COX15: variants seen among roughly 807,000 people sequenced by gnomAD.
COX15 encodes the protein heme A synthase COX15.
Under a neutral mutation model 51.9 loss-of-function variants are expected in COX15, and 51 were observed. The observed-to-expected ratio is 0.98, with a 90% CI of 0.78 to 1.24. The LOEUF (loss-of-function observed/expected upper bound fraction) is 1.24. Among genes scored for constraint, COX15 ranks in the 50% most tolerant of loss-of-function variants. The pLI is 0.00. For missense variants in COX15, 420 were observed against 501.1 expected (o/e 0.84, Z 1.55); for synonymous variants, 188 against 190.5 (o/e 0.99, Z 0.11).
chr10:99,720,987 C>T lies in COX15; in HGVS notation c.832G>A (p.Gly278Arg). Residue 278 changes from glycine (G) to arginine (R), a missense_variant and splice_region_variant, in exon 6 of 9, where the codon GGG (glycine) becomes AGG (arginine). Coordinates refer to ENST00000016171, the MANE Select transcript of COX15 (RefSeq NM_078470.6). ...AGLVFLTALSGAFVAGLDAGL... is the reference protein window; with the variant it reads ...AGLVFLTALSRAFVAGLDAGL... The stretch of plus-strand genomic sequence containing the variant: ...TCATCTTTGATGAGCTGAGTCCTAC[C>T]TGAGAGGGCCGTAAGGAACACCAGA... 6 of 1,613,228 alleles carry T rather than the reference C, an allele frequency of 3.7e-6. No homozygotes were observed. The highest frequency in any genetic ancestry group is 4.2e-6 in the Non-Finnish European group (5 of 1,179,628).
Position 99,713,531 on chromosome 10 carries a change from T to C in COX15, c.*1056A>G. On this transcript the variant is annotated 3_prime_UTR_variant, in exon 9 of 9. Coordinates refer to ENST00000016171, the MANE Select transcript of COX15 (RefSeq NM_078470.6). ...TCACATTAATTCAGCAGTCAACAAT[T>C]TGTTTATCTGGGTAGATGTCCATGC... 6.3e-7 allele frequency: 1 copy of C among 1,577,056 alleles called. No individual in the cohort carries two copies. The highest frequency in any genetic ancestry group is 2.3e-5 in the East Asian group (1 of 42,866).
intron 2 of COX15, among the ~76,000 whole-genome samples, chr10:99,728,867 T>A (rs1326134817): frequency 6.6e-6 from 1 of 152,238 alleles, no homozygotes; most frequent in African/African-American, 2.4e-5. Context: ...TATAGTCTCT[T>A]GATAGATTTA....
chr10:99,702,528 T>C, the COX15 span: 1 of 1,579,574 alleles, frequency 6.3e-7, no homozygotes, highest in Non-Finnish European at 8.6e-7. Flanking sequence ...GTGTTTTAAA[T>C]CGGCTTGGAT....
chr10:99,721,153 G>T, intron 5 of COX15, 85 bp from the exon 6 acceptor site: 1 of 1,032,440 alleles, frequency 9.7e-7, no homozygotes. Flanking sequence ...AAACCCAAGT[G>T]ACAAATTAAG....
At chr10:99,698,666 T>A in the COX15 span, 1 of 1,614,194 alleles carries the variant, frequency 6.2e-7, no homozygotes, top group Non-Finnish European at 8.5e-7. Context: ...ACTGGGTGTC[T>A]TGTGGGGCAA....
rs138016109 is a variant in COX15 at position 99,712,223 on chromosome 10, G to A, written c.*2364C>T. 4.5e-5 allele frequency: 44 copies of A among 984,964 alleles called. No individual in the cohort carries two copies. The highest frequency in any genetic ancestry group is 5.2e-5 in the Non-Finnish European group (43 of 829,640). The allele number at this position is 984,964 out of a possible 1,614,324, so 61.0% of individuals were successfully genotyped here. ...AAACATCCAAACCATATCACCACCT[G>A]AGAATGGTACACTACAGGTCACAGA... On this transcript the variant is annotated 3_prime_UTR_variant, in exon 9 of 9. Coordinates refer to ENST00000016171, the MANE Select transcript of COX15 (RefSeq NM_078470.6).
chr10:99,696,196 C>A, the COX15 span: 2 of 1,520,726 alleles, frequency 1.3e-6, no homozygotes, highest in Admixed American at 3.8e-5. Flanking sequence ...ATACTCACAT[C>A]CTCCTAAGAC....
the COX15 span, chr10:99,704,335 A>C: frequency 9.8e-7 from 1 of 1,020,968 alleles, no homozygotes; most frequent in Non-Finnish European, 1.5e-6. Flanking sequence ...TGGTGTCATA[A>C]AATGTTTATG....
Position 99,713,909 on chromosome 10 carries a change from CAG to C in COX15, c.*676_*677del. The C allele has an allele frequency of 1.4e-6, 1 of 736,836 alleles. No homozygotes were observed. The highest frequency in any genetic ancestry group is 1.7e-6 in the Non-Finnish European group (1 of 589,126). The allele number at this position is 736,836 out of a possible 1,614,324, so 45.6% of individuals were successfully genotyped here. Reference sequence around the variant, plus strand: ...GCTTGAACCTGGGAAGTGGAGGTTGCAGAGTGAGCTGAGATCACGCCATTGTA... The same window carrying C: ...GCTTGAACCTGGGAAGTGGAGGTTGCAGTGAGCTGAGATCACGCCATTGTA... On this transcript the variant is annotated 3_prime_UTR_variant, in exon 9 of 9. Coordinates refer to ENST00000016171, the MANE Select transcript of COX15 (RefSeq NM_078470.6).
the COX15 span, among the ~76,000 whole-genome samples, chr10:99,695,093 A>T: frequency 6.6e-6 from 1 of 152,222 alleles, no homozygotes; most frequent in Non-Finnish European, 1.5e-5. Flanking sequence ...TGAGCTGAGG[A>T]ATATGATTAA....
intron 6 of COX15, 67 bp from the exon 7 acceptor site, chr10:99,718,567 A>G (rs1391374742): frequency 6.5e-7 from 1 of 1,537,162 alleles, no homozygotes; most frequent in East Asian, 2.2e-5. Flanking sequence ...TAGTTCTGAT[A>G]TAGAAAAAGT....
chr10:99,709,792 C>T (rs1014160288), downstream of COX15: 4 of 985,344 alleles, frequency 4.1e-6, no homozygotes, highest in Middle Eastern at 5.2e-4. Context: ...ACACATTTCT[C>T]TTTTGCTCTA....
the COX15 span, among the ~76,000 whole-genome samples, chr10:99,701,435 G>A: frequency 9.9e-5 from 15 of 151,696 alleles, no homozygotes; most frequent in Admixed American, 3.3e-4. Context: ...CTATAGGCAC[G>A]TGCCACCATG....
In COX15 at chr10:99,727,043, G is replaced by C. The variant is rs756368998; in HGVS notation, c.507C>G (p.Tyr169Ter). 3 of 1,614,060 alleles carry C rather than the reference G, an allele frequency of 1.9e-6. No individual in the cohort carries two copies. The East Asian group carries it at 6.7e-5, about 36-fold the overall frequency. Residue 169 changes from tyrosine (Y) to a stop codon, truncating the protein, a stop_gained, in exon 4 of 9, where the codon TAC becomes TAG. Coordinates refer to ENST00000016171, the MANE Select transcript of COX15 (RefSeq NM_078470.6). LOFTEE classifies it high-confidence loss of function. ...GGCTGAGCCAGCCCTTTCTCCAAAA[G>C]TAGGCAGCAGGCAGGATGTACACAA... Reference protein sequence around the residue: ...VGLVYILPAAYFWRKGWLSRG... With the variant: ...VGLVYILPAA
rs1284875664 is a variant in COX15 at position 99,724,068 on chromosome 10, T to C, written c.638A>G (p.His213Arg). The C allele has an allele frequency of 2.5e-6, 4 of 1,613,988 alleles. No homozygotes were observed. Among genetic ancestry groups the C allele is most frequent in the Non-Finnish European group, 3.4e-6 (4 of 1,180,010 alleles). ...GTACTGACTGACCCGAGGGATGTCA[T>C]GGGAGTCTGATTTTTCTTCTAGTCC... ...KSGLEEKSDS[H>R]DIPRVSQYRL... Residue 213 changes from histidine to arginine, a missense_variant, in exon 5 of 9, where the codon CAT (histidine) becomes CGT (arginine). His to Arg is a conservative substitution (Grantham distance 29, BLOSUM62 0). Transcript: ENST00000016171.
the COX15 span, chr10:99,696,227 CTTCT>C: frequency 2.9e-6 from 4 of 1,371,808 alleles, no homozygotes; most frequent in Non-Finnish European, 3.0e-6. Flanking sequence ...CTGCTTCCTC[CTTCT>C]TTCTGACTAC....
chr10:99,732,070 A>G lies in COX15; in HGVS notation c.-21T>C. ...TGCATACTGATGACAGGGAACAGCC[A>G]CCTCTTCCACAACCCAGGGCTCTGT... On this transcript the variant is annotated 5_prime_UTR_variant, in exon 1 of 9. Coordinates refer to ENST00000016171, the MANE Select transcript of COX15 (RefSeq NM_078470.6). 6.2e-7 allele frequency: 1 copy of G among 1,607,944 alleles called. No homozygotes were observed. The highest frequency in any genetic ancestry group is 8.5e-7 in the Non-Finnish European group (1 of 1,177,230).
intron 6 of COX15, 151 bp downstream of exon 6, chr10:99,720,836 G>A: frequency 1.7e-6 from 1 of 590,998 alleles, no homozygotes; most frequent in Non-Finnish European, 2.9e-6. Context: ...AAGAGAGAAA[G>A]GAACAGGAAA....
chr10:99,724,991 A>T (rs2036904303), intron 4 of COX15, among the ~76,000 whole-genome samples: 1 of 152,244 alleles, frequency 6.6e-6, no homozygotes, highest in Admixed American at 6.5e-5. Context: ...GTTGAATGCC[A>T]ATCTGGGGAC....
Sources: gnomAD v4.1 joint callset for allele counts (sites outside exome capture counted in the v4.1 genomes callset) on GRCh38, gnomAD v4.1.1 for gene constraint, MANE v1.5 for transcripts, NCBI Gene and HGNC (gene_info 2026-07-23, HGNC 2026-07-21) for gene names.